CEMIP: variants seen among roughly 807,000 people sequenced by gnomAD.
CEMIP encodes cell migration inducing hyaluronidase 1.
A neutral mutation model predicts 156.9 loss-of-function variants in CEMIP; 105 were observed. The ratio of observed to expected loss-of-function variants is 0.67; its 90% confidence interval spans 0.57 to 0.79. CEMIP has a LOEUF of 0.79. CEMIP is among the 30% of genes least tolerant of loss of function. The pLI, the probability that CEMIP is intolerant of heterozygous loss-of-function variation, is 0.00. For synonymous variants in CEMIP, 676 were observed against 668.4 expected (o/e 1.01, Z -0.17); for missense variants, 1,457 against 1,769.4 (o/e 0.82, Z 3.17).
intron 1 of CEMIP, among the ~76,000 whole-genome samples, chr15:80,867,086 G>C (rs1898148772): frequency 6.6e-6 from 1 of 152,158 alleles, no homozygotes. Flanking sequence ...TTGCAAATCT[G>C]TAAAATGGGG....
chr15:80,916,573 T>C (rs1451403042), intron 14 of CEMIP, among the ~76,000 whole-genome samples: 1 of 152,256 alleles, frequency 6.6e-6, no homozygotes, highest in African/African-American at 2.4e-5. Flanking sequence ...ACTATTTATG[T>C]ATCTGCTATC....
intron 1 of CEMIP, among the ~76,000 whole-genome samples, chr15:80,834,475 C>T (rs1249340078): frequency 6.6e-6 from 1 of 152,200 alleles, no homozygotes; most frequent in Non-Finnish European, 1.5e-5. Context: ...AAAGTAGAGT[C>T]AGGCTTCATT....
intron 3 of CEMIP, 132 bp downstream of exon 3, chr15:80,874,105 C>T (rs547289824): frequency 2.7e-5 from 22 of 804,330 alleles, no homozygotes; most frequent in African/African-American, 1.0e-4. Context: ...GGCCTTGGCC[C>T]GACCTTACTA....
intron 16 of CEMIP, among the ~76,000 whole-genome samples, 154 bp downstream of exon 16, chr15:80,921,255 A>T (rs184976495): frequency 2.0e-5 from 3 of 151,792 alleles, no homozygotes; most frequent in Non-Finnish European, 4.4e-5. Context: ...AAAACGACAG[A>T]CTGGGGGTGG....
At position 80,949,111 on chromosome 15, in the gene CEMIP, G is replaced by C; in HGVS notation, c.*187G>C. ...TGCTGCCACCTGCCCCTACTCAAGT[G>C]TCTACCTGGAGCCCCTGGGGCGGTG... is the stretch of plus-strand genomic sequence containing the variant. On this transcript the variant is annotated 3_prime_UTR_variant, in exon 30 of 30. Transcript: ENST00000394685. 1.3e-6 allele frequency: 1 copy of C among 751,864 alleles called. No homozygotes were observed. The highest frequency in any genetic ancestry group is 2.3e-6 in the Non-Finnish European group (1 of 440,854). 46.6% of individuals were successfully genotyped at this position (751,864 alleles called of 1,614,324 possible).
In CEMIP at chr15:80,906,291, T is replaced by C. The variant is rs1051652200; in HGVS notation, c.1412-372T>C. On this transcript the variant is annotated intron_variant, in intron 12 of 29. Coordinates refer to ENST00000394685, the MANE Select transcript of CEMIP (RefSeq NM_001293298.2). This position sits in a 1 kb window ranked among gnomAD's most constrained non-coding sequence, Gnocchi z 4.3. ...GAGGGCAGTCTGGAGGTGGCACTTATCACTTCTCAAACCTTACAGCCACAC... is the reference window on the plus strand; with the variant it reads ...GAGGGCAGTCTGGAGGTGGCACTTACCACTTCTCAAACCTTACAGCCACAC... Among the ~76,000 whole-genome samples, 15 of 152,144 alleles carry C rather than the reference T, an allele frequency of 9.9e-5. No homozygotes were observed. Among genetic ancestry groups the C allele is most frequent in the African/African-American group, 3.4e-4 (14 of 41,428 alleles).
At chr15:80,904,644 C>T (rs1474767121) in intron 12 of CEMIP, among the ~76,000 whole-genome samples, 1 of 151,964 alleles carries the variant, frequency 6.6e-6, no homozygotes, top group East Asian at 1.9e-4. Context: ...ACAGGGGCAG[C>T]GACTGGAGTG....
intron 14 of CEMIP, among the ~76,000 whole-genome samples, chr15:80,912,966 G>GCATC (rs1403997381): frequency 6.6e-6 from 1 of 152,138 alleles, no homozygotes; most frequent in Non-Finnish European, 1.5e-5. Context: ...TTCCTAAACA[G>GCATC]CATCCCTGAT....
intron 28 of CEMIP, chr15:80,946,185 GGC>G (rs1159282569): frequency 7.2e-5 from 11 of 152,226 alleles, no homozygotes; most frequent in African/African-American, 2.7e-4. Context: ...CTTCAAACCT[GGC>G]CATGCTCTTC....
chr15:80,909,113 A>C lies in CEMIP; in HGVS notation c.1604A>C (p.Lys535Thr). Reference sequence around the variant, plus strand: ...CTCTCCTAGTTTGCTCTGGGATTTAAGGCAGCACACTTGGAGGGCACGGAG... The same window carrying C: ...CTCTCCTAGTTTGCTCTGGGATTTACGGCAGCACACTTGGAGGGCACGGAG... ...GGHIKFALGF[K>T]AAHLEGTELK... is the part of the protein sequence containing the mutation. Residue 535 changes from lysine (K) to threonine (T), a missense_variant, in exon 14 of 30, where the codon AAG becomes ACG. Lys to Thr is a moderately conservative substitution (Grantham distance 78). This residue lies in a region of CEMIP where 280 missense variants were observed against 300.3 expected (regional missense o/e 0.93). Transcript: ENST00000394685. The C allele has an allele frequency of 6.2e-7, 1 of 1,614,044 alleles. No homozygotes were observed.
rs1174972474 is a variant in CEMIP, at chr15:80,870,194, C to A, written c.-175-3344C>A. ...CCGTCCTGCTAGTCACTGAGCTGAA[C>A]CTTGCCTAGGTTTGCCTAAAGCAAG... On this transcript the variant is annotated intron_variant, in intron 1 of 29. Transcript: ENST00000394685. 2.6e-5 allele frequency among the ~76,000 whole-genome samples: 4 copies of A among 152,196 alleles called. No homozygotes were observed. The East Asian group carries it at 7.7e-4, about 29-fold the overall frequency.
At chr15:80,782,046 G>A (rs1473432454) in intron 1 of CEMIP, among the ~76,000 whole-genome samples, 3 of 152,110 alleles carry the variant, frequency 2.0e-5, no homozygotes, top group Non-Finnish European at 2.9e-5. Context: ...CTTATTTAAA[G>A]ACAAATGGAA....
At chr15:80,921,912 A>T in intron 16 of CEMIP, 97 bp from the exon 17 acceptor site, 1 of 1,521,700 alleles carries the variant, frequency 6.6e-7, no homozygotes, top group Non-Finnish European at 9.1e-7. Context: ...GGCAGTAGCT[A>T]CTAGACCCAT....
At chr15:80,919,383 C>T (rs1900387953) in intron 14 of CEMIP, among the ~76,000 whole-genome samples, 1 of 152,196 alleles carries the variant, frequency 6.6e-6, no homozygotes, top group Non-Finnish European at 1.5e-5. Context: ...GCTGTGTGCT[C>T]CATCAGGGTG....
At chr15:80,912,140 G>A (rs1900094173) in intron 14 of CEMIP, among the ~76,000 whole-genome samples, 1 of 150,394 alleles carries the variant, frequency 6.6e-6, no homozygotes, top group Non-Finnish European at 1.5e-5. Flanking sequence ...TGGGAAAGAT[G>A]GCATAGGCCT....
chr15:80,949,046 C>A lies in CEMIP; in HGVS notation c.*122C>A. On this transcript the variant is annotated 3_prime_UTR_variant, in exon 30 of 30. Transcript: ENST00000394685. ...GCAGCTGCCTGGGAAGGCCGTGTTT[C>A]AGCCCTGATGGGCCAAGGGAAGGCT... 1 of 1,338,546 alleles carries A rather than the reference C, an allele frequency of 7.5e-7. No individual in the cohort carries two copies. Among genetic ancestry groups the A allele is most frequent in the South Asian group, 1.2e-5 (1 of 85,082 alleles). The allele number at this position is 1,338,546 out of a possible 1,614,324, so 82.9% of individuals were successfully genotyped here.
intron 6 of CEMIP, 104 bp from the exon 7 acceptor site, chr15:80,884,071 T>A (rs1898751860): frequency 3.6e-6 from 4 of 1,120,126 alleles, no homozygotes; most frequent in Non-Finnish European, 5.5e-6. Flanking sequence ...AGCCCTGGGA[T>A]CATCGGATAG....
intron 1 of CEMIP, among the ~76,000 whole-genome samples, chr15:80,825,851 G>A (rs1413959321): frequency 1.3e-5 from 2 of 152,160 alleles, no homozygotes; most frequent in African/African-American, 2.4e-5. Flanking sequence ...CTGTTGCTCC[G>A]ACTGTCCTCT....
intron 1 of CEMIP, among the ~76,000 whole-genome samples, chr15:80,812,063 T>C (rs906169431): frequency 2.6e-5 from 4 of 152,048 alleles, no homozygotes; most frequent in Admixed American, 2.0e-4. Flanking sequence ...GCAGTGGCTA[T>C]TCACAGGCAC....
Sources: allele counts gnomAD v4.1 joint callset (sites outside exome capture counted in the v4.1 genomes callset), GRCh38; gene constraint gnomAD v4.1.1; regional missense constraint gnomAD v4.1.1; non-coding constraint Gnocchi (gnomAD v3.1); transcripts MANE v1.5; gene names NCBI Gene and HGNC (gene_info 2026-07-23, HGNC 2026-07-21).